Variants in PDE11A observed in about 807,000 individuals in gnomAD.
PDE11A encodes phosphodiesterase 11A.
In PDE11A, 100 loss-of-function variants were observed where a neutral mutation model predicts 100.5. The ratio of observed to expected loss-of-function variants is 1.00; its 90% CI spans 0.85 to 1.18. The LOEUF is 1.18. Among genes scored for constraint, PDE11A ranks in the 50% most tolerant of loss-of-function variants. PDE11A has a pLI of 0.00. For synonymous variants in PDE11A, 381 were observed against 420.8 expected (o/e 0.91, Z 1.16); for missense variants, 1,141 against 1,152.6 (o/e 0.99, Z 0.15).
chr2:177,785,447 A>C (rs1041616120), intron 9 of PDE11A, among the ~76,000 whole-genome samples: 3 of 133,902 alleles, frequency 2.2e-5, no homozygotes, highest in Non-Finnish European at 5.0e-5. Flanking sequence ...TACAGCTCCC[A>C]GCATGAGCGA....
intron 2 of PDE11A, chr2:178,104,176 T>C: frequency 1.2e-6 from 1 of 838,486 alleles, no homozygotes; most frequent in Non-Finnish European, 2.0e-6. Flanking sequence ...AATCCATATT[T>C]CAGTAATATG....
intron 12 of PDE11A, chr2:177,723,278 T>C (rs2081555485): frequency 6.6e-6 from 1 of 152,128 alleles, no homozygotes. Flanking sequence ...TGGTTTGGCT[T>C]ATCTCTGAAA....
chr2:178,076,465 C>T (rs1297038789), upstream of PDE11A, among the ~76,000 whole-genome samples: 1 of 152,184 alleles, frequency 6.6e-6, no homozygotes, highest in African/African-American at 2.4e-5. Context: ...CCACATTTTG[C>T]TCATGGTTAC....
At chr2:177,995,849 A>C (rs2086066348) in intron 2 of PDE11A, among the ~76,000 whole-genome samples, 1 of 152,090 alleles carries the variant, frequency 6.6e-6, no homozygotes, top group Non-Finnish European at 1.5e-5. Flanking sequence ...AAATTATACT[A>C]TCTCTTCCTG....
intron 2 of PDE11A, among the ~76,000 whole-genome samples, chr2:177,996,462 T>C (rs574588672): frequency 8.3e-6 from 1 of 119,932 alleles, no homozygotes; most frequent in African/African-American, 3.4e-5. Flanking sequence ...ACAGCATACA[T>C]ATATACATAT....
chr2:177,845,985 G>A (rs552290932), intron 5 of PDE11A, among the ~76,000 whole-genome samples: 4 of 151,828 alleles, frequency 2.6e-5, no homozygotes, highest in Admixed American at 1.3e-4. Flanking sequence ...GTCCAGCTTC[G>A]GCTCGGCATG....
At chr2:177,937,949 TATC>T (rs1041583236) in intron 2 of PDE11A, among the ~76,000 whole-genome samples, 42 of 152,270 alleles carry the variant, frequency 2.8e-4, no homozygotes, top group African/African-American at 1.0e-3. Flanking sequence ...CAAAAGGACA[TATC>T]ATATGAAGAC....
intron 2 of PDE11A, among the ~76,000 whole-genome samples, chr2:178,099,200 C>A (rs1421740833): frequency 1.3e-5 from 2 of 151,942 alleles, no homozygotes; most frequent in South Asian, 2.1e-4. Context: ...CCGAGGCGGG[C>A]AGATCACTTG....
chr2:177,760,439 G>T (rs1187143422), intron 10 of PDE11A, among the ~76,000 whole-genome samples: 2 of 151,998 alleles, frequency 1.3e-5, no homozygotes, highest in African/African-American at 4.8e-5. Context: ...TTACTTATAT[G>T]TAATTAAATC....
chr2:177,686,936 T>G (rs2080961100), intron 15 of PDE11A: 1 of 151,996 alleles, frequency 6.6e-6, no homozygotes, highest in Non-Finnish European at 1.5e-5. Context: ...AGGCTGATCT[T>G]GAACTCCTGA....
intron 2 of PDE11A, among the ~76,000 whole-genome samples, chr2:177,947,340 C>G (rs183824644): frequency 0.22 from 31,277 of 145,000 alleles, 3,530 homozygotes; most frequent in South Asian, 0.3. Flanking sequence ...GAAAGGTGGG[C>G]AAAAGATTGA....
At chr2:177,720,777 T>C (rs759934547) in intron 12 of PDE11A, among the ~76,000 whole-genome samples, 6 of 152,200 alleles carry the variant, frequency 3.9e-5, no homozygotes, top group Non-Finnish European at 7.4e-5. Flanking sequence ...TAATTAACTA[T>C]TGATTTAGGC....
intron 2 of PDE11A, among the ~76,000 whole-genome samples, chr2:177,920,099 T>C (rs1318705316): frequency 6.6e-6 from 1 of 152,092 alleles, no homozygotes; most frequent in Admixed American, 6.5e-5. Context: ...AGAATAAAAA[T>C]ATATAACTAT....
intron 2 of PDE11A, among the ~76,000 whole-genome samples, chr2:177,940,279 A>G (rs1176109668): frequency 6.6e-6 from 1 of 152,132 alleles, no homozygotes; most frequent in African/African-American, 2.4e-5. Flanking sequence ...ACATTCTCCA[A>G]TTTGGTTTTT....
chr2:177,965,713 GT>G (rs2085690097), intron 2 of PDE11A, among the ~76,000 whole-genome samples: 1 of 151,944 alleles, frequency 6.6e-6, no homozygotes, highest in African/African-American at 2.4e-5. Context: ...TGTTCCATTG[GT>G]TTATTTGTTT....
intron 1 of PDE11A, among the ~76,000 whole-genome samples, chr2:178,043,217 C>T (rs1224452722): frequency 1.3e-5 from 2 of 152,122 alleles, no homozygotes; most frequent in Admixed American, 6.5e-5. Flanking sequence ...ATTTCCCTAA[C>T]AGACAGTATC....
intron 4 of PDE11A, among the ~76,000 whole-genome samples, chr2:177,876,925 T>G (rs2084250241): frequency 6.8e-6 from 1 of 148,124 alleles, no homozygotes; most frequent in Non-Finnish European, 1.5e-5. Context: ...TTTACTAATG[T>G]GCAGAAGCAC....
intron 2 of PDE11A, among the ~76,000 whole-genome samples, chr2:177,973,255 C>T (rs1195151580): frequency 7.6e-6 from 1 of 131,334 alleles, no homozygotes; most frequent in Non-Finnish European, 1.6e-5. Flanking sequence ...CGAAGCAGGG[C>T]GAGGCATTGC....
intron 2 of PDE11A, among the ~76,000 whole-genome samples, chr2:177,956,515 A>C (rs2085564775): frequency 6.6e-6 from 1 of 152,204 alleles, no homozygotes; most frequent in African/African-American, 2.4e-5. Flanking sequence ...TTCCTCAGGG[A>C]TCTAGAACTA....
Sources: allele counts gnomAD v4.1 joint callset (sites outside exome capture counted in the v4.1 genomes callset), GRCh38; gene constraint gnomAD v4.1.1; transcripts MANE v1.5; gene names NCBI Gene and HGNC (gene_info 2026-07-23, HGNC 2026-07-21).